SYNE2: variants seen among roughly 807,000 people sequenced by gnomAD.
SYNE2 encodes the protein nesprin-2.
In SYNE2, 431 loss-of-function variants were observed where a neutral mutation model predicts 856.3. That is an observed-to-expected ratio of 0.50 (90% CI 0.47 to 0.55). The LOEUF (loss-of-function observed/expected upper bound fraction) is 0.55, where lower values mean the gene tolerates loss of function less well. SYNE2 is among the 20% of genes least tolerant of loss of function. The pLI, the probability that SYNE2 is intolerant of heterozygous loss-of-function variation, is 0.00. For synonymous variants in SYNE2, 2,923 were observed against 2,872.3 expected, an observed-to-expected ratio of 1.02 and a Z score of -0.56; for missense variants, 8,129 against 8,023.2, an observed-to-expected ratio of 1.01 and a Z score of -0.50.
rs1419542339 is a variant in SYNE2, at chr14:63,995,765, C to A, written c.2940+563C>A. ...TCTATCTATCTATCTATCTATCTAT[C>A]TAGATATATATAAACAGATATAGAT... On this transcript the variant is annotated intron_variant, in intron 23 of 115. Coordinates refer to ENST00000555002, the MANE Select transcript of SYNE2 (RefSeq NM_182914.3). 7.3e-5 allele frequency among the ~76,000 whole-genome samples: 11 copies of A among 150,564 alleles called. No homozygotes were observed. The East Asian group carries it at 7.8e-4, about 11-fold the overall frequency.
intron 1 of SYNE2, among the ~76,000 whole-genome samples, chr14:63,804,889 C>T (rs1023302549): frequency 1.3e-5 from 2 of 152,088 alleles, no homozygotes; most frequent in African/African-American, 4.8e-5. Context: ...TACATTTAAG[C>T]CTTTAATCTA....
At chr14:64,064,380 C>T (rs1017832620) in intron 50 of SYNE2, among the ~76,000 whole-genome samples, 2 of 152,050 alleles carry the variant, frequency 1.3e-5, no homozygotes, top group African/African-American at 4.8e-5. Context: ...GTCAGAATAG[C>T]ACTTATATAT....
intron 1 of SYNE2, among the ~76,000 whole-genome samples, chr14:63,805,481 G>C (rs1195340090): frequency 1.3e-5 from 2 of 152,166 alleles, no homozygotes; most frequent in African/African-American, 4.8e-5. Context: ...CCGCCTCCCG[G>C]GTTCACGCCA....
chr14:64,098,042 C>T lies in SYNE2; in HGVS notation c.12202C>T (p.His4068Tyr). The T allele has an allele frequency of 6.2e-7, 1 of 1,614,198 alleles. No individual in the cohort carries two copies. The highest frequency in any genetic ancestry group is 8.5e-7 in the Non-Finnish European group (1 of 1,180,022). The change falls in exon 62 of 116, where the codon CAC becomes TAC. Residue 4068 changes from histidine (H) to tyrosine (Y), a missense_variant. Coordinates refer to ENST00000555002, the MANE Select transcript of SYNE2 (RefSeq NM_182914.3). ...VDLKATVLNL[H>Y]QHLKQEQEGV... ...CTTGAAGGCCACCGTACTAAACCTT[C>T]ACCAGCATTTGAAGCAAGAACAAGA... is the stretch of plus-strand genomic sequence containing the variant.
At chr14:64,188,524 G>C in intron 97 of SYNE2, 26 bp from the exon 98 acceptor site, 3 of 1,614,138 alleles carry the variant, frequency 1.9e-6, no homozygotes, top group South Asian at 2.2e-5. Flanking sequence ...GCTATACTCA[G>C]CTGCCAAATG....
intron 101 of SYNE2, 90 bp from the exon 102 acceptor site, chr14:64,209,338 C>T (rs930192029): frequency 5.8e-5 from 93 of 1,605,204 alleles, no homozygotes; most frequent in Non-Finnish European, 7.3e-5. Flanking sequence ...GTCTCCCCCA[C>T]TAAACCGTGC....
chr14:64,166,122 T>G (rs1252528764), intron 90 of SYNE2, among the ~76,000 whole-genome samples: 1 of 152,224 alleles, frequency 6.6e-6, no homozygotes, highest in Non-Finnish European at 1.5e-5. Context: ...GTAACTCTCC[T>G]AGGAATCAAT....
intron 30 of SYNE2, among the ~76,000 whole-genome samples, chr14:64,004,773 C>A (rs113157914): frequency 6.6e-6 from 1 of 152,222 alleles, no homozygotes; most frequent in African/African-American, 2.4e-5. Context: ...GAAATGCTCA[C>A]ACCCTCAGGC....
Position 64,102,501 on chromosome 14 carries a change from A to G in SYNE2, c.12492+459A>G, listed in dbSNP as rs979338397. ...TAGGGAGGGAACCTGCATGGGCTGA[A>G]TTTTTTTTTTTTTTTTTTTTTTTTT... On this transcript the variant is annotated intron_variant, in intron 64 of 115. Transcript: ENST00000555002. 2.5e-5 allele frequency among the ~76,000 whole-genome samples: 3 copies of G among 118,276 alleles called. No homozygotes were observed. The South Asian group carries it at 8.0e-4, about 31-fold the overall frequency. The allele number at this position is 118,276 out of a possible 152,430, so 77.6% of individuals were successfully genotyped here. A position where few individuals can be genotyped will look rare whatever the true frequency, so the allele number is the denominator to read the frequency against.
At chr14:63,764,815 G>A (rs1246197151) in intron 1 of SYNE2, among the ~76,000 whole-genome samples, 2 of 152,078 alleles carry the variant, frequency 1.3e-5, no homozygotes, top group African/African-American at 4.8e-5. Context: ...GGGCGTGGTG[G>A]CGCACACCTG....
At chr14:64,080,707 A>G in intron 56 of SYNE2, 69 bp downstream of exon 56, 1 of 1,570,992 alleles carries the variant, frequency 6.4e-7, no homozygotes, top group Non-Finnish European at 8.8e-7. Flanking sequence ...GCAAAACAAT[A>G]TATTCAGAAA....
intron 65 of SYNE2, among the ~76,000 whole-genome samples, chr14:64,107,842 GTCA>G (rs2097781248): frequency 6.6e-6 from 1 of 152,168 alleles, no homozygotes; most frequent in South Asian, 2.1e-4. Flanking sequence ...TTTACCATTT[GTCA>G]TCATGAAATA....
intron 41 of SYNE2, among the ~76,000 whole-genome samples, chr14:64,025,755 G>T (rs1258073147): frequency 6.6e-6 from 1 of 152,150 alleles, no homozygotes; most frequent in Non-Finnish European, 1.5e-5. Context: ...ACATATGTCA[G>T]TATAGCAGAA....
chr14:63,832,681 C>A (rs562688925), intron 1 of SYNE2, among the ~76,000 whole-genome samples: 171 of 151,792 alleles, frequency 1.1e-3, no homozygotes, highest in African/African-American at 4.0e-3. Context: ...TTTTAATAAG[C>A]CAGAGTTTAA....
chr14:64,010,958 A>G (rs1016423969), intron 32 of SYNE2, among the ~76,000 whole-genome samples: 3 of 152,144 alleles, frequency 2.0e-5, no homozygotes, highest in African/African-American at 7.2e-5. Flanking sequence ...TGATTTTACG[A>G]GTACTAAGCT....
intron 2 of SYNE2, among the ~76,000 whole-genome samples, chr14:63,914,387 C>T (rs1023926885): frequency 6.6e-6 from 1 of 152,098 alleles, no homozygotes; most frequent in Non-Finnish European, 1.5e-5. Context: ...AATTGAAACC[C>T]AAGGGTTTGG....
intron 7 of SYNE2, among the ~76,000 whole-genome samples, chr14:63,953,860 C>T (rs1278759267): frequency 6.6e-6 from 1 of 152,172 alleles, no homozygotes; most frequent in Non-Finnish European, 1.5e-5. Flanking sequence ...TTGTGACTGG[C>T]TTATTTCACT....
At chr14:63,865,100 T>TA (rs1330377388) in intron 1 of SYNE2, among the ~76,000 whole-genome samples, 1 of 138,528 alleles carries the variant, frequency 7.2e-6, no homozygotes, top group Non-Finnish European at 1.5e-5. Context: ...CCCACGTACT[T>TA]ATATTACTGA....
At chr14:64,219,487 C>G in intron 110 of SYNE2, 77 bp downstream of exon 110, 1 of 1,469,374 alleles carries the variant, frequency 6.8e-7, no homozygotes, top group Non-Finnish European at 9.5e-7. Flanking sequence ...CGAGCAGATC[C>G]CATGTATTCG....
Sources: gnomAD v4.1 joint callset for allele counts (sites outside exome capture counted in the v4.1 genomes callset) on GRCh38, gnomAD v4.1.1 for gene constraint, MANE v1.5 for transcripts, NCBI Gene and HGNC (gene_info 2026-07-23, HGNC 2026-07-21) for gene names.